GABBR2: variants seen among roughly 807,000 people sequenced by gnomAD.
The protein encoded by GABBR2 is G-protein coupled receptor 51.
GABBR2 carries 23 observed loss-of-function variants against 105.6 expected under a neutral mutation model. The ratio of observed to expected loss-of-function variants is 0.22; its 90% CI spans 0.16 to 0.31. The LOEUF (loss-of-function observed/expected upper bound fraction) is 0.31, where lower values mean the gene tolerates loss of function less well. GABBR2 is among the 10% of genes least tolerant of loss of function. The pLI is 1.00. For synonymous variants in GABBR2, 478 were observed against 499.7 expected (o/e 0.96, Z 0.58); for missense variants, 734 against 1,245.5 (o/e 0.59, Z 6.18).
chr9:98,525,152 AAGAT>A (rs1827933298), intron 3 of GABBR2, among the ~76,000 whole-genome samples: 2 of 152,290 alleles, frequency 1.3e-5, no homozygotes, highest in East Asian at 1.9e-4. Context: ...AAAAGAAAAA[AAGAT>A]AGATTTGACC....
At chr9:98,640,864 A>C (rs1221289845) in intron 1 of GABBR2, among the ~76,000 whole-genome samples, 1 of 152,178 alleles carries the variant, frequency 6.6e-6, no homozygotes, top group Non-Finnish European at 1.5e-5. Context: ...AGTAGGTCTG[A>C]TGCATGGAAT....
intron 3 of GABBR2, among the ~76,000 whole-genome samples, chr9:98,515,059 G>C (rs1827731081): frequency 6.6e-6 from 1 of 152,180 alleles, no homozygotes; most frequent in South Asian, 2.1e-4. Flanking sequence ...TTTCTAACAA[G>C]AGAATGAGCC....
At chr9:98,337,826 G>A (rs1831141802) in intron 13 of GABBR2, among the ~76,000 whole-genome samples, 1 of 152,072 alleles carries the variant, frequency 6.6e-6, no homozygotes, top group Non-Finnish European at 1.5e-5. Flanking sequence ...TTTGAGACCA[G>A]GCTGGCCAAG....
chr9:98,488,744 G>A (rs1229621468), intron 4 of GABBR2, among the ~76,000 whole-genome samples: 1 of 152,064 alleles, frequency 6.6e-6, no homozygotes, highest in Non-Finnish European at 1.5e-5. Flanking sequence ...AAAATGTTGG[G>A]TATGAGTAAC....
intron 7 of GABBR2, among the ~76,000 whole-genome samples, chr9:98,423,729 A>G (rs1308972294): frequency 2.0e-5 from 3 of 152,164 alleles, no homozygotes; most frequent in African/African-American, 7.2e-5. Flanking sequence ...TAGGGTTTTT[A>G]TGGTTTTAGG....
intron 7 of GABBR2, among the ~76,000 whole-genome samples, chr9:98,444,767 G>C (rs572083564): frequency 6.6e-6 from 1 of 152,348 alleles, no homozygotes; most frequent in South Asian, 2.1e-4. Context: ...TTGCTTATGG[G>C]AGAAACGAGA....
chr9:98,310,036 C>T (rs866024421), intron 14 of GABBR2, among the ~76,000 whole-genome samples: 4 of 152,030 alleles, frequency 2.6e-5, no homozygotes, highest in Non-Finnish European at 2.9e-5. Flanking sequence ...TGGGGTCAAA[C>T]GGGGGTGAAT....
At chr9:98,623,028 G>A (rs1040155890) in intron 1 of GABBR2, among the ~76,000 whole-genome samples, 1 of 152,224 alleles carries the variant, frequency 6.6e-6, no homozygotes, top group Non-Finnish European at 1.5e-5. Context: ...GATAATGGGG[G>A]AGGCTGTGCA....
At chr9:98,517,549 C>T (rs1239444481) in intron 3 of GABBR2, among the ~76,000 whole-genome samples, 2 of 152,188 alleles carry the variant, frequency 1.3e-5, no homozygotes, top group Non-Finnish European at 2.9e-5. Context: ...AGACTTTAAG[C>T]TTTTCAAAAT....
chr9:98,396,709 G>C (rs1266914855), intron 8 of GABBR2, among the ~76,000 whole-genome samples: 3 of 152,118 alleles, frequency 2.0e-5, no homozygotes, highest in African/African-American at 7.2e-5. Flanking sequence ...ATTTATTTGA[G>C]GCAGGGAGGC....
chr9:98,573,966 C>G (rs1288712946), intron 2 of GABBR2, among the ~76,000 whole-genome samples: 1 of 152,036 alleles, frequency 6.6e-6, no homozygotes, highest in East Asian at 1.9e-4. Context: ...CAGGGTGTAG[C>G]GGAGGAAGAA....
intron 7 of GABBR2, among the ~76,000 whole-genome samples, chr9:98,419,996 A>T (rs1268720635): frequency 6.6e-6 from 1 of 152,120 alleles, no homozygotes; most frequent in Admixed American, 6.5e-5. Context: ...GCTCCCAAGC[A>T]GCTGACATCA....
intron 1 of GABBR2, among the ~76,000 whole-genome samples, chr9:98,603,191 T>C (rs184197094): frequency 6.6e-6 from 1 of 152,324 alleles, no homozygotes; most frequent in East Asian, 1.9e-4. Flanking sequence ...GCACCTCATT[T>C]CATTTGCCAA....
chr9:98,619,453 T>C (rs1829638648), intron 1 of GABBR2, among the ~76,000 whole-genome samples: 1 of 152,216 alleles, frequency 6.6e-6, no homozygotes, highest in Non-Finnish European at 1.5e-5. Flanking sequence ...CTTGTCTAGC[T>C]CTAAAATTCT....
chr9:98,427,020 A>G (rs1334137418), intron 7 of GABBR2, among the ~76,000 whole-genome samples: 1 of 152,188 alleles, frequency 6.6e-6, no homozygotes, highest in Non-Finnish European at 1.5e-5. Context: ...AACAAACAAA[A>G]GAGACAGGTG....
chr9:98,533,612 C>T (rs1184334300), intron 3 of GABBR2, among the ~76,000 whole-genome samples: 1 of 152,198 alleles, frequency 6.6e-6, no homozygotes, highest in Non-Finnish European at 1.5e-5. Flanking sequence ...CTGTGGCTCT[C>T]ATTCATCATC....
At chr9:98,637,229 A>G (rs1829891420) in intron 1 of GABBR2, among the ~76,000 whole-genome samples, 1 of 152,126 alleles carries the variant, frequency 6.6e-6, no homozygotes, top group South Asian at 2.1e-4. Flanking sequence ...TACACACAGG[A>G]CTTACCTACT....
At chr9:98,531,681 T>A (rs1272811539) in intron 3 of GABBR2, among the ~76,000 whole-genome samples, 1 of 152,218 alleles carries the variant, frequency 6.6e-6, no homozygotes, top group African/African-American at 2.4e-5. Flanking sequence ...CAGGGAACAT[T>A]CACATGAAAG....
rs569208083 is a variant in GABBR2 at position 98,634,190 on chromosome 9, C to T, written c.322-56118G>A. Among the ~76,000 whole-genome samples, 11 of 152,320 alleles carry T rather than the reference C, an allele frequency of 7.2e-5. No individual in the cohort carries two copies. In the South Asian group the frequency reaches 1.7e-3, roughly 23 times the overall value. On this transcript the variant is annotated intron_variant, in intron 1 of 18. Coordinates refer to ENST00000259455, the MANE Select transcript of GABBR2 (RefSeq NM_005458.8). ...CTCACCTCCCAACTGCCTCCCCACC[C>T]GACTTTGGGCCCTACTTCAGTCTAT... is the stretch of plus-strand genomic sequence containing the variant.
Sources: gnomAD v4.1 joint callset for allele counts (sites outside exome capture counted in the v4.1 genomes callset) on GRCh38, gnomAD v4.1.1 for gene constraint, MANE v1.5 for transcripts, NCBI Gene and HGNC (gene_info 2026-07-23, HGNC 2026-07-21) for gene names.